The following DCX variants were observed in gnomAD, a reference collection of about 807,000 sequenced individuals.
The protein encoded by DCX is doublecortin.
DCX carries 4 observed loss-of-function variants against 20.9 expected under a neutral mutation model. The observed-to-expected ratio is 0.19, with a 90% confidence interval of 0.09 to 0.44. The LOEUF (loss-of-function observed/expected upper bound fraction) is 0.44, where lower values mean the gene tolerates loss of function less well. Among genes scored for constraint, DCX ranks in the 20% least tolerant of loss-of-function variants. The probability of loss-of-function intolerance (pLI) is 0.99; values close to 1 mark genes in which losing one functional copy is unlikely to be tolerated. For synonymous variants in DCX, 103 were observed against 111.4 expected, an observed-to-expected ratio of 0.92 and a Z score of 0.47; for missense variants, 133 against 296.9, an observed-to-expected ratio of 0.45 and a Z score of 4.06.
At chrX:111,366,798 A>G (rs1445949010) in intron 3 of DCX, among the ~76,000 whole-genome samples, 1 of 112,151 alleles carries the variant, frequency 8.9e-6, no homozygotes, top group African/African-American at 3.2e-5. Context: ...GACTTAGTCT[A>G]AAATCCATTT....
intron 4 of DCX, 102 bp downstream of exon 4, chrX:111,332,949 G>T: frequency 1.6e-6 from 1 of 609,789 alleles, no homozygotes; most frequent in Non-Finnish European, 2.7e-6. Context: ...GCCCTTGAAG[G>T]ATCATGCATA....
At chrX:111,391,548 G>C (rs1009845178) in intron 3 of DCX, among the ~76,000 whole-genome samples, 1 of 111,093 alleles carries the variant, frequency 9.0e-6, no homozygotes, top group Non-Finnish European at 1.9e-5. Context: ...GTAATGCAGG[G>C]TTTCTCAACT....
rs748660620 is a variant in DCX, at chrX:111,326,332, C to G, written c.946+4572G>C. ...AGAAAGATTCCTTCCCAGCAACTAGCTATTTTGTCCTTTTAATTCAATTCA... is the reference window on the plus strand; with the variant it reads ...AGAAAGATTCCTTCCCAGCAACTAGGTATTTTGTCCTTTTAATTCAATTCA... On this transcript the variant is annotated intron_variant, in intron 5 of 6. Transcript: ENST00000636035. Among the ~76,000 whole-genome samples the G allele has an allele frequency of 6.3e-5, 7 of 111,742 alleles. No individual in the cohort carries two copies. In the South Asian group the frequency reaches 2.6e-3, roughly 42 times the overall value.
At chrX:111,356,307 T>C (rs956430601) in intron 3 of DCX, among the ~76,000 whole-genome samples, 12 of 112,172 alleles carry the variant, frequency 1.1e-4, no homozygotes, top group African/African-American at 3.9e-4. Flanking sequence ...TCAGAGTCCA[T>C]GGCAGAAATC....
chrX:111,335,201 C>A (rs1014596085), intron 3 of DCX, among the ~76,000 whole-genome samples: 1 of 112,194 alleles, frequency 8.9e-6, no homozygotes, highest in Admixed American at 9.4e-5. Context: ...CTGTGAGTGT[C>A]CCTCTGTTAG....
At chrX:111,401,428 T>C (rs1476167088) in intron 2 of DCX, 98 bp from the exon 3 acceptor site, 1 of 803,528 alleles carries the variant, frequency 1.2e-6, no homozygotes, top group Non-Finnish European at 1.8e-6. Flanking sequence ...GTAGAACTTT[T>C]CAATAAATGG....
At chrX:111,378,615 T>C (rs908721045) in intron 3 of DCX, among the ~76,000 whole-genome samples, 7 of 111,206 alleles carry the variant, frequency 6.3e-5, no homozygotes, top group African/African-American at 2.0e-4. Context: ...CAAATTTCTG[T>C]ATATGGGCAT....
chrX:111,372,070 A>G (rs896716045), intron 3 of DCX, among the ~76,000 whole-genome samples: 6 of 110,921 alleles, frequency 5.4e-5, no homozygotes, highest in Admixed American at 3.9e-4. Flanking sequence ...CAGCAGCCCA[A>G]TGTTGCTGGT....
chrX:111,355,234 G>T (rs763415045), intron 3 of DCX, among the ~76,000 whole-genome samples: 1 of 111,269 alleles, frequency 9.0e-6, no homozygotes, highest in Admixed American at 9.6e-5. Flanking sequence ...TATTAAGGTA[G>T]AAAAATATTT....
intron 6 of DCX, among the ~76,000 whole-genome samples, chrX:111,303,345 C>T (rs972762870): frequency 1.8e-5 from 2 of 110,232 alleles, no homozygotes; most frequent in African/African-American, 3.3e-5. Flanking sequence ...CCACCCCCAC[C>T]GCCTTGCCAC....
intron 1 of DCX, 91 bp from the exon 2 acceptor site, chrX:111,410,511 C>T (rs1928621252): frequency 8.2e-6 from 9 of 1,103,454 alleles, no homozygotes; most frequent in Non-Finnish European, 1.1e-5. Context: ...AAATATTAGC[C>T]AGATCCAGAT....
intron 6 of DCX, among the ~76,000 whole-genome samples, chrX:111,307,155 A>T (rs1041528600): frequency 1.1e-4 from 12 of 110,690 alleles, no homozygotes; most frequent in Admixed American, 5.8e-4. Flanking sequence ...TGTGAATTAT[A>T]TCTCAATAAG....
In DCX at chrX:111,301,656, G is replaced by C. The variant is rs1478731311; in HGVS notation, c.*31C>G. ...CTACTACAATGATAGGCTTGGATTTGTACTCTGGACTCTGAGCACTCTCCC... is the reference window on the plus strand; with the variant it reads ...CTACTACAATGATAGGCTTGGATTTCTACTCTGGACTCTGAGCACTCTCCC... On this transcript the variant is annotated 3_prime_UTR_variant, in exon 7 of 7. Coordinates refer to ENST00000636035, the MANE Select transcript of DCX (RefSeq NM_001195553.2). 8.3e-7 allele frequency: 1 copy of C among 1,199,631 alleles called. No individual in the cohort carries two copies. The highest frequency in any genetic ancestry group is 1.1e-6 in the Non-Finnish European group (1 of 885,943).
intron 3 of DCX, among the ~76,000 whole-genome samples, chrX:111,365,077 T>G (rs1924508190): frequency 9.3e-6 from 1 of 106,998 alleles, no homozygotes; most frequent in Non-Finnish European, 1.9e-5. Flanking sequence ...TTATTATTAT[T>G]ATTATTATTT....
chrX:111,403,029 T>A (rs1039496214), intron 2 of DCX, among the ~76,000 whole-genome samples: 7 of 111,365 alleles, frequency 6.3e-5, no homozygotes, highest in Non-Finnish European at 9.4e-5. Flanking sequence ...ACTCCCTTGC[T>A]GGTTAATTCA....
intron 3 of DCX, among the ~76,000 whole-genome samples, chrX:111,356,863 G>T (rs1923774695): frequency 9.0e-6 from 1 of 111,688 alleles, no homozygotes; most frequent in Non-Finnish European, 1.9e-5. Flanking sequence ...ATTACTTAAG[G>T]CCAGGAGTTT....
chrX:111,392,205 A>G (rs952522177), intron 3 of DCX, among the ~76,000 whole-genome samples: 2 of 111,807 alleles, frequency 1.8e-5, no homozygotes, highest in African/African-American at 6.5e-5. Flanking sequence ...TGTTTGGAGC[A>G]TGCCTTGGGG....
At chrX:111,384,050 C>A (rs1327700108) in intron 3 of DCX, among the ~76,000 whole-genome samples, 1 of 111,942 alleles carries the variant, frequency 8.9e-6, no homozygotes, top group Non-Finnish European at 1.9e-5. Flanking sequence ...AGATGATAAA[C>A]CCTAACCCAT....
chrX:111,410,827 C>T, intron 1 of DCX: 1 of 1,211,160 alleles, frequency 8.3e-7, no homozygotes, highest in Non-Finnish European at 1.1e-6. Flanking sequence ...TCACACATGC[C>T]CACATGACTA....
Sources: allele counts gnomAD v4.1 joint callset (sites outside exome capture counted in the v4.1 genomes callset), GRCh38; gene constraint gnomAD v4.1.1; transcripts MANE v1.5; gene names NCBI Gene and HGNC (gene_info 2026-07-23, HGNC 2026-07-21).